Variants in CEP112 observed in about 807,000 individuals in gnomAD.
CEP112 encodes centrosomal protein 112, also known as centrosomal protein of 112 kDa.
A neutral mutation model predicts 153.0 loss-of-function variants in CEP112; 127 were observed. That is an observed-to-expected ratio of 0.83 (90% confidence interval 0.72 to 0.96). CEP112 has a LOEUF of 0.96. CEP112 is among the 40% of genes least tolerant of loss of function. The pLI is 0.00. For missense variants in CEP112, 1,089 were observed against 1,101.2 expected, an observed-to-expected ratio of 0.99 and a Z score of 0.16; for synonymous variants, 358 against 374.4, an observed-to-expected ratio of 0.96 and a Z score of 0.51.
At chr17:66,138,603 G>A (rs1598423738) in intron 4 of CEP112, among the ~76,000 whole-genome samples, 1 of 152,088 alleles carries the variant, frequency 6.6e-6, no homozygotes, top group Non-Finnish European at 1.5e-5. Context: ...ATTTTTTAAT[G>A]CAATCGAAGT....
intron 23 of CEP112, among the ~76,000 whole-genome samples, chr17:65,706,955 G>C (rs2048947120): frequency 6.6e-6 from 1 of 152,152 alleles, no homozygotes; most frequent in Non-Finnish European, 1.5e-5. Flanking sequence ...AAAAACTCAG[G>C]AGATCTCTTT....
chr17:66,117,318 A>G (rs931175396), intron 6 of CEP112, among the ~76,000 whole-genome samples: 5 of 152,140 alleles, frequency 3.3e-5, no homozygotes, highest in Non-Finnish European at 5.9e-5. Flanking sequence ...TCTTTTACCC[A>G]TCGTTAGCTA....
At chr17:65,960,271 G>C (rs754928231) in intron 18 of CEP112, among the ~76,000 whole-genome samples, 29 of 152,060 alleles carry the variant, frequency 1.9e-4, no homozygotes, top group Admixed American at 7.9e-4. Context: ...AGCATGGTTA[G>C]CACACAGATA....
intron 21 of CEP112, among the ~76,000 whole-genome samples, chr17:65,763,764 T>C (rs986883672): frequency 5.9e-5 from 9 of 152,146 alleles, no homozygotes; most frequent in Admixed American, 3.9e-4. Flanking sequence ...GTAGCTGTTT[T>C]AAATTCCTGG....
rs558773879 is a variant in CEP112 at position 65,959,177 on chromosome 17, T to C, written c.1872+2286A>G. Among the ~76,000 whole-genome samples, 13 of 152,204 alleles carry C rather than the reference T, an allele frequency of 8.5e-5. No individual in the cohort carries two copies. In the South Asian group the frequency reaches 2.7e-3, roughly 32 times the overall value. ...TGGGGAGATGAGAGGAGGACCTGCC[T>C]ACAGAGAGGAGTAACCCACTCTAGG... On this transcript the variant is annotated intron_variant, in intron 18 of 26. Transcript: ENST00000535342.
intron 12 of CEP112, among the ~76,000 whole-genome samples, chr17:66,047,198 C>T (rs528766570): frequency 6.6e-6 from 1 of 152,258 alleles, no homozygotes; most frequent in South Asian, 2.1e-4. Context: ...CTCACTGCAA[C>T]CCCTGCCTCC....
chr17:65,888,343 C>T (rs2059354584), intron 20 of CEP112, among the ~76,000 whole-genome samples: 1 of 152,156 alleles, frequency 6.6e-6, no homozygotes, highest in Admixed American at 6.5e-5. Flanking sequence ...GCTACATCCA[C>T]TTGCTAAATT....
At chr17:65,638,594 A>G (rs2044909512) in intron 25 of CEP112, among the ~76,000 whole-genome samples, 1 of 152,220 alleles carries the variant, frequency 6.6e-6, no homozygotes. Context: ...CAAGTGACCC[A>G]TAGGACAATT....
At chr17:65,643,528 T>C (rs890240023) in intron 24 of CEP112, among the ~76,000 whole-genome samples, 2 of 152,012 alleles carry the variant, frequency 1.3e-5, no homozygotes, top group African/African-American at 4.8e-5. Flanking sequence ...CTTGAACTCT[T>C]GACCTCAAGT....
chr17:65,836,619 C>G (rs2057315313), intron 21 of CEP112, among the ~76,000 whole-genome samples: 1 of 151,996 alleles, frequency 6.6e-6, no homozygotes, highest in Non-Finnish European at 1.5e-5. Context: ...CTATAGCACC[C>G]AAATATAAAA....
chr17:66,072,610 C>T (rs1598292918), intron 8 of CEP112, among the ~76,000 whole-genome samples: 2 of 152,128 alleles, frequency 1.3e-5, no homozygotes, highest in Non-Finnish European at 2.9e-5. Context: ...TTTTTCATTG[C>T]ATCATATTAG....
chr17:65,986,189 A>G (rs2145192927), intron 17 of CEP112, among the ~76,000 whole-genome samples: 1 of 152,296 alleles, frequency 6.6e-6, no homozygotes. Flanking sequence ...AAAATAAAAC[A>G]TCGCAAGAAC....
intron 11 of CEP112, among the ~76,000 whole-genome samples, chr17:66,060,878 A>T (rs1302695031): frequency 7.4e-6 from 1 of 135,058 alleles, no homozygotes; most frequent in Non-Finnish European, 1.6e-5. Flanking sequence ...CTCAAAGCAC[A>T]GGCAACAAAA....
intron 4 of CEP112, among the ~76,000 whole-genome samples, chr17:66,153,403 A>G (rs534459956): frequency 6.6e-6 from 1 of 151,828 alleles, no homozygotes; most frequent in East Asian, 1.9e-4. Flanking sequence ...TTCAAAAACA[A>G]TATTGTAAGT....
At chr17:65,853,365 C>T in intron 20 of CEP112, among the ~76,000 whole-genome samples, 1 of 152,046 alleles carries the variant, frequency 6.6e-6, no homozygotes. Flanking sequence ...TTTATAAGGA[C>T]ACTGGTCATA....
chr17:66,149,338 G>A (rs1224393970), intron 4 of CEP112, among the ~76,000 whole-genome samples: 2 of 152,096 alleles, frequency 1.3e-5, no homozygotes, highest in African/African-American at 4.8e-5. Flanking sequence ...TCAACTTAAT[G>A]CTGGCCTCAC....
chr17:66,042,648 A>C (rs2066033447), intron 12 of CEP112, among the ~76,000 whole-genome samples: 1 of 152,212 alleles, frequency 6.6e-6, no homozygotes, highest in African/African-American at 2.4e-5. Flanking sequence ...CCTGGAAAAG[A>C]AACAACATTA....
chr17:65,805,980 AG>A (rs1275745247), intron 21 of CEP112, among the ~76,000 whole-genome samples: 2 of 152,232 alleles, frequency 1.3e-5, no homozygotes, highest in Admixed American at 6.5e-5. Context: ...TTGACACAAA[AG>A]CAGAAAAAAA....
intron 23 of CEP112, among the ~76,000 whole-genome samples, chr17:65,699,366 C>T (rs1034352901): frequency 6.6e-6 from 1 of 152,012 alleles, no homozygotes; most frequent in Non-Finnish European, 1.5e-5. Context: ...TTTTTTTCCC[C>T]CTTAAGCTAT....
Sources: gnomAD v4.1 joint callset for allele counts (sites outside exome capture counted in the v4.1 genomes callset) on GRCh38, gnomAD v4.1.1 for gene constraint, MANE v1.5 for transcripts, NCBI Gene and HGNC (gene_info 2026-07-23, HGNC 2026-07-21) for gene names.